SLC24A2: variants seen among roughly 807,000 people sequenced by gnomAD.
SLC24A2 encodes sodium/potassium/calcium exchanger 2.
Under a neutral mutation model 62.0 loss-of-function variants are expected in SLC24A2, and 36 were observed. The ratio of observed to expected loss-of-function variants is 0.58; its 90% CI spans 0.44 to 0.77. The LOEUF is 0.77. Ranked by LOEUF, SLC24A2 falls within the 30% of genes least tolerant of loss-of-function variation. The pLI is 0.00. For synonymous variants in SLC24A2, 358 were observed against 294.0 expected, an observed-to-expected ratio of 1.22 and a Z score of -2.23; for missense variants, 846 against 817.9, an observed-to-expected ratio of 1.03 and a Z score of -0.42.
the SLC24A2 span, among the ~76,000 whole-genome samples, chr9:20,092,806 C>T: frequency 1.2e-4 from 19 of 152,218 alleles, no homozygotes; most frequent in Middle Eastern, 3.4e-3. Context: ...TTATTAATCA[C>T]GGTCAGAATG....
At chr9:19,636,276 CT>C (rs1818310611) in intron 2 of SLC24A2, among the ~76,000 whole-genome samples, 1 of 84,096 alleles carries the variant, frequency 1.2e-5, no homozygotes, top group Non-Finnish European at 2.6e-5. Flanking sequence ...TTCTCTTCTT[CT>C]CTTCTTCTCT....
chr9:19,523,581 G>A (rs902666917), intron 9 of SLC24A2, among the ~76,000 whole-genome samples: 2 of 152,024 alleles, frequency 1.3e-5, no homozygotes, highest in African/African-American at 4.8e-5. Flanking sequence ...TCCTGCCTCA[G>A]CCTCCCAAGT....
rs533365973 is a variant in SLC24A2, at chr9:19,665,556, T to C, written c.931-43257A>G. ...GAATCAGGCAAAAGTAGATATGTATTGCCTGTAATGCAACACACTAGCTAA... is the reference window on the plus strand; with the variant it reads ...GAATCAGGCAAAAGTAGATATGTATCGCCTGTAATGCAACACACTAGCTAA... On this transcript the variant is annotated intron_variant, in intron 2 of 10. Transcript: ENST00000341998. Among the ~76,000 whole-genome samples, 186 of 152,272 alleles carry C rather than the reference T, an allele frequency of 1.2e-3. 1 individual carries two copies. Among genetic ancestry groups the C allele is most frequent in the Non-Finnish European group, 2.5e-3 (169 of 68,026 alleles).
chr9:19,607,577 G>A (rs969904261), intron 4 of SLC24A2, among the ~76,000 whole-genome samples: 3 of 152,048 alleles, frequency 2.0e-5, no homozygotes, highest in Non-Finnish European at 4.4e-5. Context: ...AAATTAGCCA[G>A]ACATAGTGGT....
At chr9:20,016,562 A>G in the SLC24A2 span, among the ~76,000 whole-genome samples, 12 of 152,250 alleles carry the variant, frequency 7.9e-5, no homozygotes, top group Non-Finnish European at 1.3e-4. Context: ...AATTCTATGC[A>G]TAATTCAAGA....
chr9:19,729,249 G>A (rs2060703608), intron 2 of SLC24A2, among the ~76,000 whole-genome samples: 2 of 152,160 alleles, frequency 1.3e-5, no homozygotes, highest in Admixed American at 1.3e-4. Context: ...TGCTGGTAGT[G>A]ACTCTTATAC....
the SLC24A2 span, among the ~76,000 whole-genome samples, chr9:20,066,585 A>T: frequency 6.6e-6 from 1 of 152,368 alleles, no homozygotes; most frequent in East Asian, 1.9e-4. Flanking sequence ...CCATCTGCAC[A>T]GCCCAGCTTT....
chr9:20,066,256 A>G, the SLC24A2 span, among the ~76,000 whole-genome samples: 1 of 152,238 alleles, frequency 6.6e-6, no homozygotes, highest in Non-Finnish European at 1.5e-5. Context: ...CATTTATAGC[A>G]CTGCGGTTTC....
chr9:19,633,638 G>C (rs533081034), intron 2 of SLC24A2, among the ~76,000 whole-genome samples: 2 of 152,212 alleles, frequency 1.3e-5, no homozygotes, highest in South Asian at 4.2e-4. Context: ...CAAATCGCTG[G>C]GGTTACAGGC....
At chr9:19,965,798 G>C in the SLC24A2 span, among the ~76,000 whole-genome samples, 2 of 152,102 alleles carry the variant, frequency 1.3e-5, no homozygotes, top group African/African-American at 4.8e-5. Context: ...CATTTACCAC[G>C]ACCCATCCTG....
chr9:19,522,148 A>G (rs1410267908), intron 9 of SLC24A2, among the ~76,000 whole-genome samples: 2 of 152,080 alleles, frequency 1.3e-5, no homozygotes, highest in African/African-American at 4.8e-5. Context: ...AGCTGGGACC[A>G]CAGGTGAGCA....
the SLC24A2 span, among the ~76,000 whole-genome samples, chr9:20,218,302 C>A: frequency 6.6e-6 from 1 of 152,142 alleles, no homozygotes. Context: ...TTGATTTGAC[C>A]TCTGTAAAAG....
the SLC24A2 span, among the ~76,000 whole-genome samples, chr9:20,220,356 C>T: frequency 1.3e-5 from 2 of 152,096 alleles, no homozygotes; most frequent in African/African-American, 2.4e-5. Context: ...TCGGATGCAC[C>T]CCCGTGCTGA....
rs920296250 is a variant in SLC24A2 at position 19,788,937 on chromosome 9, C to T, written c.-206G>A. 63 of 985,172 alleles carry T rather than the reference C, an allele frequency of 6.4e-5. No individual in the cohort carries two copies. The African/African-American group carries it at 1.0e-3, about 16-fold the overall frequency. The allele number at this position is 985,172 out of a possible 1,614,324, so 61.0% of individuals were successfully genotyped here. On this transcript the variant is annotated 5_prime_UTR_variant, in exon 1 of 11. Transcript: ENST00000341998. The stretch of plus-strand genomic sequence containing the variant: ...GGCGGGGCCCCCGAGCGCGGCCCGC[C>T]GCTCCAGTCCGCCGGCCCTCCGCCT...
At chr9:20,277,714 T>A in the SLC24A2 span, among the ~76,000 whole-genome samples, 2 of 152,222 alleles carry the variant, frequency 1.3e-5, no homozygotes, top group African/African-American at 4.8e-5. Context: ...AAATACCATT[T>A]GACCCAGCCA....
At chr9:20,112,868 T>A in the SLC24A2 span, among the ~76,000 whole-genome samples, 2 of 151,890 alleles carry the variant, frequency 1.3e-5, no homozygotes, top group African/African-American at 4.8e-5. Flanking sequence ...TTTTATCTAG[T>A]TGGTAGAGTA....
the SLC24A2 span, among the ~76,000 whole-genome samples, chr9:19,973,892 C>T: frequency 2.0e-5 from 3 of 152,100 alleles, no homozygotes; most frequent in Non-Finnish European, 4.4e-5. Context: ...TAAAAATTGA[C>T]TAGCTAAATG....
chr9:19,571,147 G>A (rs1401539380), intron 7 of SLC24A2, among the ~76,000 whole-genome samples: 1 of 152,158 alleles, frequency 6.6e-6, no homozygotes, highest in African/African-American at 2.4e-5. Context: ...GCAGCCAGAT[G>A]TCCTTGGGGC....
the SLC24A2 span, among the ~76,000 whole-genome samples, chr9:20,109,623 C>T: frequency 6.6e-6 from 1 of 152,166 alleles, no homozygotes; most frequent in African/African-American, 2.4e-5. Flanking sequence ...TTAAGTGTAT[C>T]TTGCGTGAAT....
Sources: allele counts gnomAD v4.1 joint callset (sites outside exome capture counted in the v4.1 genomes callset), GRCh38; gene constraint gnomAD v4.1.1; transcripts MANE v1.5; gene names NCBI Gene and HGNC (gene_info 2026-07-23, HGNC 2026-07-21).